The following TBC1D13 variants were observed in gnomAD, a reference collection of about 807,000 sequenced individuals.
The protein encoded by TBC1D13 is TBC1 domain family member 13.
TBC1D13 carries 40 observed loss-of-function variants against 53.6 expected under a neutral mutation model. That is an observed-to-expected ratio of 0.75 (90% CI 0.58 to 0.97). The LOEUF is 0.97. TBC1D13 is among the 50% of genes least tolerant of loss of function. The probability of loss-of-function intolerance (pLI) is 0.00; values close to 1 mark genes in which losing one functional copy is unlikely to be tolerated. For missense variants in TBC1D13, 377 were observed against 499.4 expected (o/e 0.75, Z 2.34); for synonymous variants, 182 against 197.7 (o/e 0.92, Z 0.67).
intron 7 of TBC1D13, among the ~76,000 whole-genome samples, chr9:128,803,034 C>A (rs961211999): frequency 6.6e-6 from 1 of 152,024 alleles, no homozygotes; most frequent in Non-Finnish European, 1.5e-5. Context: ...TGTGGCCCGC[C>A]CATGTTGTCT....
At chr9:128,802,748 T>G (rs1829759043) in intron 7 of TBC1D13, among the ~76,000 whole-genome samples, 1 of 151,966 alleles carries the variant, frequency 6.6e-6, no homozygotes, top group African/African-American at 2.4e-5. Context: ...TTTTTTTTTT[T>G]TTTTTTGAGA....
chr9:128,804,109 A>C lies in TBC1D13; in HGVS notation c.908A>C (p.Tyr303Ser). The change falls in exon 9 of 12, where the codon TAC (tyrosine) becomes TCC (serine). Residue 303 changes from tyrosine (Y) to serine (S), a missense_variant. By Grantham distance (144) the Tyr-to-Ser change is moderately radical. Coordinates refer to ENST00000372648, the MANE Select transcript of TBC1D13 (RefSeq NM_018201.5). ...STLKDKDVEL[Y>S]LKLQEQNIKP... ...TTGAAAGATAAGGATGTGGAGCTCT[A>C]CCTGAAACTGGTGAGGACCCCAGGA... The C allele has an allele frequency of 6.2e-7, 1 of 1,613,902 alleles. No individual in the cohort carries two copies. The highest frequency in any genetic ancestry group is 8.5e-7 in the Non-Finnish European group (1 of 1,179,962).
rs187257428 is a variant in TBC1D13, at chr9:128,798,917, A to G, written c.543+1703A>G. Among the ~76,000 whole-genome samples the G allele has an allele frequency of 1.4e-4, 22 of 152,212 alleles. No individual in the cohort carries two copies. The East Asian group carries it at 3.9e-3, about 27-fold the overall frequency. The stretch of plus-strand genomic sequence containing the variant: ...TAAATAGAGACAGAGTCTTGCGATG[A>G]CACCCAGACTGGTTTTGAACTCCTG... On this transcript the variant is annotated intron_variant, in intron 7 of 11. Coordinates refer to ENST00000372648, the MANE Select transcript of TBC1D13 (RefSeq NM_018201.5).
intron 6 of TBC1D13, among the ~76,000 whole-genome samples, chr9:128,793,856 TC>T (rs1414109930): frequency 6.6e-6 from 1 of 152,184 alleles, no homozygotes; most frequent in Non-Finnish European, 1.5e-5. Context: ...TCCATTCAGC[TC>T]CTTCTCAAGG....
At chr9:128,803,927 A>G (rs1480540712) in intron 8 of TBC1D13, 29 bp from the exon 9 acceptor site, 2 of 1,610,708 alleles carry the variant, frequency 1.2e-6, no homozygotes, top group Non-Finnish European at 1.7e-6. Context: ...GGAGTGCGCC[A>G]CTTCTGCCCC....
At chr9:128,799,813 A>C (rs1253234589) in intron 7 of TBC1D13, among the ~76,000 whole-genome samples, 1 of 152,116 alleles carries the variant, frequency 6.6e-6, no homozygotes, top group Non-Finnish European at 1.5e-5. Context: ...TGAGGTCAGG[A>C]GATCGAGACC....
intron 1 of TBC1D13, among the ~76,000 whole-genome samples, chr9:128,787,880 A>G (rs1234039171): frequency 6.6e-6 from 1 of 152,048 alleles, no homozygotes; most frequent in Non-Finnish European, 1.5e-5. Flanking sequence ...TGGCAGGCCC[A>G]GAGGTCTTGT....
chr9:128,791,490 G>C, intron 4 of TBC1D13, 49 bp downstream of exon 4: 1 of 1,610,414 alleles, frequency 6.2e-7, no homozygotes, highest in Non-Finnish European at 8.5e-7. Flanking sequence ...GCATGTGACA[G>C]AGCCAGTACC....
At chr9:128,805,759 G>T in intron 9 of TBC1D13, 100 bp from the exon 10 acceptor site, 1 of 1,335,530 alleles carries the variant, frequency 7.5e-7, no homozygotes, top group Non-Finnish European at 1.0e-6. Context: ...GGCATGCTGG[G>T]CCCTGCTGTT....
Position 128,797,076 on chromosome 9 carries a change from C to A in TBC1D13, c.405C>A (p.Ser135=). The part of the protein sequence containing the change: ...KDVRRLCPDI[S]FFQRATDYPC... ...ACAGGAGGTTGTGCCCAGACATTTCCTTCTTCCAGAGGGCCACTGACTACC... is the reference window on the plus strand; with the variant it reads ...ACAGGAGGTTGTGCCCAGACATTTCATTCTTCCAGAGGGCCACTGACTACC... The change falls in exon 7 of 12, where the codon TCC becomes TCA. Residue 135 remains serine (S), a synonymous_variant. Transcript: ENST00000372648. 1 of 1,614,042 alleles carries A rather than the reference C, an allele frequency of 6.2e-7. No individual in the cohort carries two copies. The highest frequency in any genetic ancestry group is 1.1e-5 in the South Asian group (1 of 91,070).
Position 128,787,291 on chromosome 9 carries a change from C to T in TBC1D13, c.-63C>T. On this transcript the variant is annotated 5_prime_UTR_variant, in exon 1 of 12. Coordinates refer to ENST00000372648, the MANE Select transcript of TBC1D13 (RefSeq NM_018201.5). ...CGTCCCTGGGGGGCGGCGGCGGCGG[C>T]GGCAGCGCAGGCGGCAGAGGCGCAG... is the stretch of plus-strand genomic sequence containing the variant. 8.0e-7 allele frequency: 1 copy of T among 1,252,746 alleles called. No individual in the cohort carries two copies. Among genetic ancestry groups the T allele is most frequent in the Non-Finnish European group, 1.0e-6 (1 of 992,166 alleles). The allele number at this position is 1,252,746 out of a possible 1,614,324, so 77.6% of individuals were successfully genotyped here. A position where few individuals can be genotyped will look rare whatever the true frequency, so the allele number is the denominator to read the frequency against.
At chr9:128,803,689 A>G (rs1289209862) in intron 8 of TBC1D13, among the ~76,000 whole-genome samples, 1 of 152,234 alleles carries the variant, frequency 6.6e-6, no homozygotes, top group Non-Finnish European at 1.5e-5. Context: ...AAGCCGAATT[A>G]TAAGATTTAA....
chr9:128,791,939 A>C (rs1454282467), intron 5 of TBC1D13, among the ~76,000 whole-genome samples: 1 of 152,172 alleles, frequency 6.6e-6, no homozygotes, highest in Non-Finnish European at 1.5e-5. Flanking sequence ...CTCTGAGGAC[A>C]TGGTCTATTT....
chr9:128,788,663 G>C (rs565697025), intron 2 of TBC1D13, among the ~76,000 whole-genome samples: 6 of 152,218 alleles, frequency 3.9e-5, no homozygotes, highest in African/African-American at 1.4e-4. Flanking sequence ...TAAGCTTTCC[G>C]CAGGAGGTGC....
intron 7 of TBC1D13, among the ~76,000 whole-genome samples, chr9:128,798,615 C>T (rs1434369394): frequency 6.6e-6 from 1 of 152,192 alleles, no homozygotes; most frequent in Non-Finnish European, 1.5e-5. Flanking sequence ...CTGAGAGACT[C>T]TGGGTGGAAC....
intron 7 of TBC1D13, among the ~76,000 whole-genome samples, chr9:128,802,970 A>G (rs1380029031): frequency 6.6e-6 from 1 of 152,086 alleles, no homozygotes; most frequent in African/African-American, 2.4e-5. Flanking sequence ...CTTAGGCTCA[A>G]GTGATCCTCC....
At chr9:128,795,766 A>G (rs1829619332) in intron 6 of TBC1D13, among the ~76,000 whole-genome samples, 1 of 151,202 alleles carries the variant, frequency 6.6e-6, no homozygotes, top group African/African-American at 2.4e-5. Context: ...GGCCCCAACT[A>G]ATTTTTTTTA....
rs2132554462 is a variant in TBC1D13 at position 128,805,879 on chromosome 9, T to C, written c.939T>C (p.Pro313=). The change falls in exon 10 of 12, where the codon CCT becomes CCC. Residue 313 remains proline (P), a synonymous_variant. Coordinates refer to ENST00000372648, the MANE Select transcript of TBC1D13 (RefSeq NM_018201.5). ...YLKLQEQNIK[P]QFFAFRWLTL... ...CCCAGCAAGAGCAGAACATCAAGCC[T>C]CAGTTCTTTGCCTTCCGCTGGCTGA... is the stretch of plus-strand genomic sequence containing the variant. The C allele has an allele frequency of 6.2e-7, 1 of 1,613,542 alleles. No homozygotes were observed. The highest frequency in any genetic ancestry group is 8.5e-7 in the Non-Finnish European group (1 of 1,179,918).
Position 128,805,126 on chromosome 9 carries a change from G to A in TBC1D13, c.919-733G>A, listed in dbSNP as rs184433906. Among the ~76,000 whole-genome samples, 8 of 152,214 alleles carry A rather than the reference G, an allele frequency of 5.3e-5. No homozygotes were observed. The East Asian group carries it at 9.7e-4, about 18-fold the overall frequency. Reference sequence around the variant, plus strand: ...TTTGGGAGACTGAGGCGGGAGGATCGCTTGAGCCCAGAGGTTGAGCAACAT... The same window carrying A: ...TTTGGGAGACTGAGGCGGGAGGATCACTTGAGCCCAGAGGTTGAGCAACAT... On this transcript the variant is annotated intron_variant, in intron 9 of 11. Coordinates refer to ENST00000372648, the MANE Select transcript of TBC1D13 (RefSeq NM_018201.5).
Sources: gnomAD v4.1 joint callset for allele counts (sites outside exome capture counted in the v4.1 genomes callset) on GRCh38, gnomAD v4.1.1 for gene constraint, MANE v1.5 for transcripts, NCBI Gene and HGNC (gene_info 2026-07-23, HGNC 2026-07-21) for gene names.